Variants in HPSE2 observed in about 807,000 individuals in gnomAD.
HPSE2 encodes the protein heparanase 2 (inactive), also known as inactive heparanase-2.
A neutral mutation model predicts 60.5 loss-of-function variants in HPSE2; 38 were observed. That is an observed-to-expected ratio of 0.63 (90% CI 0.48 to 0.82). HPSE2 has a LOEUF of 0.82. Ranked by LOEUF, HPSE2 falls within the 40% of genes least tolerant of loss-of-function variation. HPSE2 has a pLI of 0.00. For missense variants in HPSE2, 713 were observed against 740.4 expected (o/e 0.96, Z 0.43); for synonymous variants, 295 against 293.2 (o/e 1.01, Z -0.06).
intron 3 of HPSE2, among the ~76,000 whole-genome samples, chr10:98,978,864 C>A (rs1261631669): frequency 6.6e-6 from 1 of 152,146 alleles, no homozygotes; most frequent in Admixed American, 6.5e-5. Flanking sequence ...TCAGTATCCT[C>A]GACACTTGGT....
intron 3 of HPSE2, among the ~76,000 whole-genome samples, chr10:98,867,424 T>G (rs1952616398): frequency 6.6e-6 from 1 of 151,802 alleles, no homozygotes; most frequent in Non-Finnish European, 1.5e-5. Flanking sequence ...ATCAGAGAAA[T>G]GGAAATCAAA....
intron 5 of HPSE2, among the ~76,000 whole-genome samples, chr10:98,718,432 C>T (rs997392212): frequency 1.3e-5 from 2 of 152,110 alleles, no homozygotes; most frequent in Admixed American, 6.6e-5. Flanking sequence ...GCAATCCCAC[C>T]TATGGGTATG....
chr10:99,060,109 G>A (rs2135520861), intron 3 of HPSE2, among the ~76,000 whole-genome samples: 1 of 150,736 alleles, frequency 6.6e-6, no homozygotes, highest in African/African-American at 2.4e-5. Context: ...AAGAAAAAGA[G>A]GACAATCATT....
intron 2 of HPSE2, among the ~76,000 whole-genome samples, chr10:99,148,148 T>C (rs1414814073): frequency 3.3e-5 from 5 of 152,186 alleles, no homozygotes; most frequent in Admixed American, 1.3e-4. Flanking sequence ...GCAACACAGC[T>C]GTGCTACATT....
intron 2 of HPSE2, among the ~76,000 whole-genome samples, chr10:99,217,066 ATAATC>A (rs1309190140): frequency 6.6e-6 from 1 of 152,066 alleles, no homozygotes; most frequent in Admixed American, 6.5e-5. Context: ...AGAACTTTAT[ATAATC>A]AGCCTGTGAT....
intron 3 of HPSE2, among the ~76,000 whole-genome samples, chr10:98,801,122 T>A (rs1199744322): frequency 6.6e-6 from 1 of 152,216 alleles, no homozygotes; most frequent in South Asian, 2.1e-4. Context: ...TATGATCATT[T>A]CAATTAATGC....
At chr10:99,263,836 C>T in the HPSE2 span, among the ~76,000 whole-genome samples, 9 of 152,088 alleles carry the variant, frequency 5.9e-5, no homozygotes, top group African/African-American at 2.2e-4. Flanking sequence ...CTCTTAAAAC[C>T]TCTCATTTCC....
intron 6 of HPSE2, among the ~76,000 whole-genome samples, chr10:98,658,937 T>C (rs1947151182): frequency 6.6e-6 from 1 of 151,222 alleles, no homozygotes; most frequent in East Asian, 2.0e-4. Flanking sequence ...TTAATTGAGA[T>C]AAAACCCACA....
At chr10:99,173,943 C>CAAAAAAAAAAAAA (rs61074165) in intron 2 of HPSE2, among the ~76,000 whole-genome samples, 1 of 99,958 alleles carries the variant, frequency 1.0e-5, no homozygotes, top group African/African-American at 6.3e-5. Flanking sequence ...GACTCTGTCT[C>CAAAAAAAAAAAAA]AAAAAAAAAA....
intron 9 of HPSE2, among the ~76,000 whole-genome samples, chr10:98,575,538 C>G (rs369695404): frequency 5.3e-5 from 8 of 152,250 alleles, no homozygotes; most frequent in African/African-American, 1.9e-4. Flanking sequence ...TTACTATGTG[C>G]CAAGCACTAT....
chr10:98,845,733 A>G (rs1043656125), intron 3 of HPSE2, among the ~76,000 whole-genome samples: 1 of 152,190 alleles, frequency 6.6e-6, no homozygotes, highest in African/African-American at 2.4e-5. Context: ...CAGGCTGGAC[A>G]GGGGACTTCC....
intron 2 of HPSE2, among the ~76,000 whole-genome samples, chr10:99,220,786 C>A (rs1301050665): frequency 7.5e-5 from 10 of 133,854 alleles, no homozygotes; most frequent in African/African-American, 2.8e-4. Flanking sequence ...TCCAACCTGG[C>A]AACAGAGTGA....
intron 3 of HPSE2, among the ~76,000 whole-genome samples, chr10:98,991,271 G>A (rs554354573): frequency 1.2e-4 from 19 of 152,314 alleles, no homozygotes; most frequent in African/African-American, 4.1e-4. Context: ...TGAGGTCAGA[G>A]TGGGGACTGG....
chr10:98,698,442 C>T (rs1319162841), intron 5 of HPSE2, among the ~76,000 whole-genome samples: 137 of 151,666 alleles, frequency 9.0e-4, no homozygotes, highest in Admixed American at 6.6e-3. Context: ...TTGAAACCAA[C>T]GAGAACAAAG....
chr10:98,502,522 C>T (rs995055529), intron 9 of HPSE2, among the ~76,000 whole-genome samples: 6 of 152,184 alleles, frequency 3.9e-5, no homozygotes, highest in Non-Finnish European at 4.4e-5. Context: ...ACTGGATCCT[C>T]ATCTCTCACC....
At chr10:98,880,808 AC>A (rs890868003) in intron 3 of HPSE2, among the ~76,000 whole-genome samples, 39 of 152,176 alleles carry the variant, frequency 2.6e-4, no homozygotes, top group African/African-American at 8.7e-4. Context: ...TTTAAATATG[AC>A]TTTGTTAAAA....
intron 9 of HPSE2, among the ~76,000 whole-genome samples, chr10:98,568,552 A>C (rs1944409717): frequency 6.6e-6 from 1 of 152,150 alleles, no homozygotes; most frequent in Non-Finnish European, 1.5e-5. Context: ...ATTGTCCTTT[A>C]AGGTTCTCAG....
intron 6 of HPSE2, among the ~76,000 whole-genome samples, chr10:98,684,189 C>G (rs964810058): frequency 6.6e-6 from 1 of 152,056 alleles, no homozygotes; most frequent in Non-Finnish European, 1.5e-5. Context: ...AAAGAATCCC[C>G]AGGATAATGG....
the HPSE2 span, among the ~76,000 whole-genome samples, chr10:99,282,911 G>A: frequency 6.6e-5 from 10 of 152,130 alleles, no homozygotes; most frequent in African/African-American, 1.9e-4. Context: ...GGGGCTGAGC[G>A]TGGTGGCTCA....
Sources: allele counts gnomAD v4.1 joint callset (sites outside exome capture counted in the v4.1 genomes callset), GRCh38; gene constraint gnomAD v4.1.1; transcripts MANE v1.5; gene names NCBI Gene and HGNC (gene_info 2026-07-23, HGNC 2026-07-21).